IGSF10: variants seen among roughly 807,000 people sequenced by gnomAD.
The protein encoded by IGSF10 is immunoglobulin superfamily member 10.
A neutral mutation model predicts 128.2 loss-of-function variants in IGSF10; 126 were observed. The ratio of observed to expected loss-of-function variants is 0.98; its 90% CI spans 0.85 to 1.14. IGSF10 has a LOEUF of 1.14. IGSF10 is among the 50% of genes most tolerant of loss of function. The pLI, the probability that IGSF10 is intolerant of heterozygous loss-of-function variation, is 0.00. For synonymous variants in IGSF10, 1,185 were observed against 1,146.2 expected (o/e 1.03, Z -0.68); for missense variants, 3,295 against 3,149.8 (o/e 1.05, Z -1.10).
chr3:151,478,837 G>A, the IGSF10 span, among the ~76,000 whole-genome samples: 826 of 152,312 alleles, frequency 5.4e-3, 7 homozygotes, highest in African/African-American at 0.018. Context: ...ATGAAGTCAT[G>A]GATGTAGCTT....
chr3:151,535,867 C>T, the IGSF10 span, among the ~76,000 whole-genome samples: 84 of 152,126 alleles, frequency 5.5e-4, no homozygotes, highest in African/African-American at 1.8e-3. Context: ...TAGAGCAAAA[C>T]TCATTTTTGA....
chr3:151,444,342 T>C (rs906930292), intron 6 of IGSF10, among the ~76,000 whole-genome samples: 2 of 152,216 alleles, frequency 1.3e-5, no homozygotes, highest in African/African-American at 4.8e-5. Flanking sequence ...AGTTTCACTC[T>C]TGTTGCCCAG....
the IGSF10 span, among the ~76,000 whole-genome samples, chr3:151,501,627 T>C: frequency 2.0e-5 from 3 of 152,076 alleles, no homozygotes; most frequent in African/African-American, 4.8e-5. Flanking sequence ...GCTGAGTTGG[T>C]GGTTTGGCCA....
chr3:151,444,583 T>C (rs1014932086), intron 6 of IGSF10, among the ~76,000 whole-genome samples: 2 of 152,212 alleles, frequency 1.3e-5, no homozygotes, highest in African/African-American at 4.8e-5. Flanking sequence ...AGTGCTGGGA[T>C]TACAGACGTG....
the IGSF10 span, among the ~76,000 whole-genome samples, chr3:151,551,072 G>A: frequency 1.3e-5 from 2 of 152,124 alleles, no homozygotes; most frequent in African/African-American, 4.8e-5. Context: ...TTGCCTGTGT[G>A]TCTACAAGGT....
At chr3:151,515,035 T>C in the IGSF10 span, among the ~76,000 whole-genome samples, 1 of 152,158 alleles carries the variant, frequency 6.6e-6, no homozygotes, top group Admixed American at 6.5e-5. Context: ...GTTAACTAGT[T>C]CAACCATTGT....
the IGSF10 span, among the ~76,000 whole-genome samples, chr3:151,505,809 G>A: frequency 6.6e-6 from 1 of 152,142 alleles, no homozygotes; most frequent in African/African-American, 2.4e-5. Context: ...AAATGATTAA[G>A]GGACTAGTTG....
chr3:151,442,975 T>C lies in IGSF10; in HGVS notation c.5963+9A>G, dbSNP rs887202659. On this transcript the variant is annotated intron_variant, in intron 7 of 7. Transcript: ENST00000282466. The stretch of plus-strand genomic sequence containing the variant: ...AGCAGATAATTCCAACCCAAAGGTA[T>C]AGACTTACCTATGCTGCTGGTCGAC... 1 of 1,609,444 alleles carries C rather than the reference T, an allele frequency of 6.2e-7. No homozygotes were observed. Among genetic ancestry groups the C allele is most frequent in the East Asian group, 2.2e-5 (1 of 44,830 alleles).
At chr3:151,457,817 T>C (rs1721869249) in intron 3 of IGSF10, among the ~76,000 whole-genome samples, 1 of 152,230 alleles carries the variant, frequency 6.6e-6, no homozygotes, top group African/African-American at 2.4e-5. Context: ...TAAAACACTT[T>C]GTATGCTCTA....
chr3:151,490,173 G>A, the IGSF10 span, among the ~76,000 whole-genome samples: 54 of 152,250 alleles, frequency 3.5e-4, no homozygotes, highest in Middle Eastern at 6.8e-3. Context: ...ACACACATAG[G>A]CTGAAAGTGA....
the IGSF10 span, among the ~76,000 whole-genome samples, chr3:151,522,694 A>G: frequency 0.021 from 3,132 of 152,302 alleles, 106 homozygotes; most frequent in African/African-American, 0.071. Flanking sequence ...CCTCAAGATA[A>G]TAAGAGCCAT....
chr3:151,586,457 T>C, the IGSF10 span, among the ~76,000 whole-genome samples: 1 of 152,194 alleles, frequency 6.6e-6, no homozygotes, highest in African/African-American at 2.4e-5. Context: ...TATCAATGCT[T>C]ATCTGAGGAA....
chr3:151,461,240 G>A (rs1722050082), upstream of IGSF10: 2 of 985,246 alleles, frequency 2.0e-6, no homozygotes, highest in South Asian at 4.7e-5. Context: ...CTAGCAAGTT[G>A]GCAGGTCCTG....
chr3:151,504,921 G>A, the IGSF10 span, among the ~76,000 whole-genome samples: 1 of 152,170 alleles, frequency 6.6e-6, no homozygotes, highest in African/African-American at 2.4e-5. Context: ...GGACTTCATT[G>A]TCCATATCAC....
chr3:151,533,431 G>A, the IGSF10 span, among the ~76,000 whole-genome samples: 25 of 152,146 alleles, frequency 1.6e-4, no homozygotes, highest in African/African-American at 5.8e-4. Context: ...AACCAAAACA[G>A]CATGGTACTG....
At chr3:151,453,950 T>C (rs1721650125) in intron 4 of IGSF10, among the ~76,000 whole-genome samples, 176 bp from the exon 5 acceptor site, 2 of 152,052 alleles carry the variant, frequency 1.3e-5, no homozygotes, top group Admixed American at 1.3e-4. Flanking sequence ...TCAGAAAAAT[T>C]AGAACACTCA....
chr3:151,558,725 A>G, the IGSF10 span, among the ~76,000 whole-genome samples: 1 of 152,118 alleles, frequency 6.6e-6, no homozygotes, highest in East Asian at 1.9e-4. Flanking sequence ...GAAATCCCAG[A>G]GCTTGCCAAT....
At chr3:151,522,742 C>T in the IGSF10 span, among the ~76,000 whole-genome samples, 2 of 152,102 alleles carry the variant, frequency 1.3e-5, no homozygotes, top group Non-Finnish European at 2.9e-5. Context: ...ACTGAATGGG[C>T]AAAAGCTTGA....
the IGSF10 span, among the ~76,000 whole-genome samples, chr3:151,539,675 C>CAGCT: frequency 6.6e-6 from 1 of 152,218 alleles, no homozygotes; most frequent in African/African-American, 2.4e-5. Flanking sequence ...CTCCAACACC[C>CAGCT]AGCTGGTTGT....
Sources: allele counts gnomAD v4.1 joint callset (sites outside exome capture counted in the v4.1 genomes callset), GRCh38; gene constraint gnomAD v4.1.1; transcripts MANE v1.5; gene names NCBI Gene and HGNC (gene_info 2026-07-23, HGNC 2026-07-21).